The following CSMD1 variants were observed in gnomAD, a reference collection of about 807,000 sequenced individuals.
CSMD1 encodes the protein CUB and sushi domain-containing protein 1.
Under a neutral mutation model 417.5 loss-of-function variants are expected in CSMD1, and 213 were observed. The observed-to-expected ratio is 0.51, with a 90% CI of 0.46 to 0.57. CSMD1 has a LOEUF of 0.57. Among genes scored for constraint, CSMD1 ranks in the 20% least tolerant of loss-of-function variants. The pLI is 0.00. For missense variants in CSMD1, 6,923 were observed against 4,529.7 expected, an observed-to-expected ratio of 1.53 and a Z score of -15.17; for synonymous variants, 2,862 against 1,736.8, an observed-to-expected ratio of 1.65 and a Z score of -16.11.
chr8:4,832,071 G>C (rs1176740979), intron 1 of CSMD1, among the ~76,000 whole-genome samples: 1 of 152,174 alleles, frequency 6.6e-6, no homozygotes, highest in Non-Finnish European at 1.5e-5. Flanking sequence ...ACCAACCAAA[G>C]CTTCTATCTA....
At chr8:3,865,613 G>A (rs949024447) in intron 5 of CSMD1, among the ~76,000 whole-genome samples, 4 of 152,130 alleles carry the variant, frequency 2.6e-5, no homozygotes, top group Non-Finnish European at 5.9e-5. Context: ...GCGCCAATGT[G>A]TTATTCCTTC....
At chr8:4,019,791 G>T (rs955134928) in intron 4 of CSMD1, among the ~76,000 whole-genome samples, 1 of 151,872 alleles carries the variant, frequency 6.6e-6, no homozygotes, top group African/African-American at 2.4e-5. Context: ...AAAATAAAGT[G>T]ACCCACTGCC....
intron 5 of CSMD1, among the ~76,000 whole-genome samples, chr8:3,808,909 A>C (rs553162179): frequency 6.6e-6 from 1 of 152,328 alleles, no homozygotes; most frequent in East Asian, 1.9e-4. Context: ...ACTTCTAGTC[A>C]GGCAAGCCTC....
chr8:4,000,951 C>A (rs1385018356), intron 4 of CSMD1, among the ~76,000 whole-genome samples: 1 of 151,708 alleles, frequency 6.6e-6, no homozygotes, highest in East Asian at 1.9e-4. Flanking sequence ...AGATTAATGA[C>A]ATATTAATTG....
chr8:4,402,148 G>C (rs966040138), intron 3 of CSMD1, among the ~76,000 whole-genome samples: 2 of 152,088 alleles, frequency 1.3e-5, no homozygotes, highest in African/African-American at 4.8e-5. Context: ...CATATGGTCA[G>C]AGACCAGCCC....
At chr8:4,900,797 T>C (rs1386160745) in intron 1 of CSMD1, among the ~76,000 whole-genome samples, 1 of 152,204 alleles carries the variant, frequency 6.6e-6, no homozygotes, top group Non-Finnish European at 1.5e-5. Context: ...GACTTTTCTA[T>C]CTAGGCCAAA....
chr8:3,932,673 C>T lies in CSMD1; in HGVS notation c.818+65230G>A, dbSNP rs144606547. Among the ~76,000 whole-genome samples the T allele has an allele frequency of 1.9e-4, 29 of 150,410 alleles. 2 individuals carry two copies. The East Asian group carries it at 5.5e-3, about 28-fold the overall frequency. ...TTAGGGAATTCTCAAAAAGCCGGTC[C>T]AATAAACTCATAAGATCGTAATTCA... On this transcript the variant is annotated intron_variant, in intron 5 of 69. Coordinates refer to ENST00000635120, the MANE Select transcript of CSMD1 (RefSeq NM_033225.6).
intron 3 of CSMD1, among the ~76,000 whole-genome samples, chr8:4,040,201 C>G (rs147499515): frequency 6.6e-6 from 1 of 152,112 alleles, no homozygotes; most frequent in African/African-American, 2.4e-5. Context: ...AGAAGGACAT[C>G]GTAGTTTTTC....
chr8:3,323,701 G>C (rs557273084), intron 23 of CSMD1, among the ~76,000 whole-genome samples: 2 of 152,146 alleles, frequency 1.3e-5, no homozygotes, highest in Admixed American at 6.6e-5. Flanking sequence ...AAGTAGCAGA[G>C]CCAAGAGGCC....
intron 10 of CSMD1, among the ~76,000 whole-genome samples, chr8:3,561,140 A>G (rs1369372755): frequency 6.6e-6 from 1 of 152,226 alleles, no homozygotes; most frequent in Non-Finnish European, 1.5e-5. Context: ...ATGTCAAACA[A>G]TAACAAATGT....
chr8:3,600,067 A>G (rs1183266741), intron 8 of CSMD1, among the ~76,000 whole-genome samples: 1 of 152,176 alleles, frequency 6.6e-6, no homozygotes, highest in African/African-American at 2.4e-5. Context: ...CTGGTTCTGA[A>G]TGCTTGCTGA....
chr8:3,481,706 G>C (rs1339048490), intron 11 of CSMD1, among the ~76,000 whole-genome samples: 2 of 152,168 alleles, frequency 1.3e-5, no homozygotes, highest in Non-Finnish European at 2.9e-5. Context: ...AGAGAAGATG[G>C]TCTCGTGACT....
intron 5 of CSMD1, among the ~76,000 whole-genome samples, chr8:3,915,227 G>A (rs1045773067): frequency 7.2e-5 from 11 of 151,970 alleles, no homozygotes; most frequent in South Asian, 4.2e-4. Flanking sequence ...CCAACATCAC[G>A]AAACTCTGCC....
At position 4,201,893 on chromosome 8, in the gene CSMD1, G is replaced by GT. The variant is rs1799669148; in HGVS notation, c.416-169795_416-169794insA. The stretch of plus-strand genomic sequence containing the variant: ...CCATTATACATGGAAATTTTGGGGG[G>GT]GGGGGGCGCTGCATTCATTTGCCAT... On this transcript the variant is annotated intron_variant, in intron 3 of 69. Transcript: ENST00000635120. Among the ~76,000 whole-genome samples the GT allele has an allele frequency of 8.1e-5, 12 of 148,298 alleles. 1 individual carries two copies. The South Asian group carries it at 2.4e-3, about 30-fold the overall frequency.
intron 12 of CSMD1, 45 bp downstream of exon 12, chr8:3,468,667 T>A (rs370514169): frequency 1.5e-5 from 19 of 1,275,664 alleles, no homozygotes; most frequent in South Asian, 1.2e-4. Context: ...CTGCCCTCTC[T>A]TGGAATGCTA....
chr8:4,412,255 G>T (rs10092807), intron 3 of CSMD1, among the ~76,000 whole-genome samples: 27,730 of 152,036 alleles, frequency 0.18, 3,044 homozygotes, highest in Non-Finnish European at 0.24. Context: ...CTAGATCATG[G>T]TGGGGCAGAT....
intron 3 of CSMD1, among the ~76,000 whole-genome samples, chr8:4,233,868 G>A (rs960118389): frequency 5.3e-5 from 8 of 151,070 alleles, no homozygotes; most frequent in Non-Finnish European, 1.0e-4. Flanking sequence ...CTAATCCTGA[G>A]AATTTCAAGC....
At chr8:4,742,630 T>C (rs1810698884) in intron 1 of CSMD1, among the ~76,000 whole-genome samples, 2 of 152,164 alleles carry the variant, frequency 1.3e-5, no homozygotes, top group Non-Finnish European at 2.9e-5. Context: ...CTGCTTCTAT[T>C]ATGCTTGGAA....
intron 2 of CSMD1, among the ~76,000 whole-genome samples, chr8:4,628,667 G>C (rs969178512): frequency 2.1e-4 from 32 of 151,568 alleles, no homozygotes; most frequent in African/African-American, 7.8e-4. Context: ...ATGGCCTACT[G>C]TTTCTGGATG....
Sources: allele counts gnomAD v4.1 joint callset (sites outside exome capture counted in the v4.1 genomes callset), GRCh38; gene constraint gnomAD v4.1.1; transcripts MANE v1.5; gene names NCBI Gene and HGNC (gene_info 2026-07-23, HGNC 2026-07-21).